ARMH3: variants seen among roughly 807,000 people sequenced by gnomAD.
The protein encoded by ARMH3 is armadillo like helical domain containing 3, also known as armadillo-like helical domain-containing protein 3.
Under a neutral mutation model 99.1 loss-of-function variants are expected in ARMH3, and 60 were observed. That is an observed-to-expected ratio of 0.61 (90% confidence interval 0.49 to 0.75). The LOEUF (loss-of-function observed/expected upper bound fraction) is 0.75, where lower values mean the gene tolerates loss of function less well. Among genes scored for constraint, ARMH3 ranks in the 30% least tolerant of loss-of-function variants. ARMH3 has a pLI of 0.00. For missense variants in ARMH3, 679 were observed against 843.1 expected (o/e 0.81, Z 2.41); for synonymous variants, 285 against 292.8 (o/e 0.97, Z 0.27).
At chr10:101,896,438 G>T (rs1304151189) in intron 23 of ARMH3, among the ~76,000 whole-genome samples, 1 of 152,198 alleles carries the variant, frequency 6.6e-6, no homozygotes, top group East Asian at 1.9e-4. Context: ...GAAGAATAGG[G>T]AGTGACTGCT....
chr10:102,010,164 C>G, intron 11 of ARMH3, 141 bp from the exon 12 acceptor site: 2 of 634,674 alleles, frequency 3.2e-6, no homozygotes, highest in Non-Finnish European at 5.5e-6. Flanking sequence ...AAGTCACACA[C>G]ACCAAAACCA....
At chr10:101,995,694 G>C (rs1301877541) in intron 15 of ARMH3, among the ~76,000 whole-genome samples, 1 of 152,112 alleles carries the variant, frequency 6.6e-6, no homozygotes, top group African/African-American at 2.4e-5. Flanking sequence ...TGAATAGTCA[G>C]GTCCATTTCC....
intron 1 of ARMH3, among the ~76,000 whole-genome samples, chr10:102,041,655 CTT>C (rs879302790): frequency 4.8e-5 from 7 of 145,126 alleles, no homozygotes; most frequent in Admixed American, 6.9e-5. Context: ...TATTTTTAGA[CTT>C]TTTTTTTTTT....
chr10:101,994,812 G>A (rs1846979855), intron 16 of ARMH3, among the ~76,000 whole-genome samples: 1 of 152,132 alleles, frequency 6.6e-6, no homozygotes, highest in African/African-American at 2.4e-5. Flanking sequence ...CGAGGTGGGT[G>A]GATCACCTGA....
At chr10:101,963,301 C>A (rs1195152872) in intron 20 of ARMH3, among the ~76,000 whole-genome samples, 2 of 152,084 alleles carry the variant, frequency 1.3e-5, no homozygotes, top group Admixed American at 6.5e-5. Flanking sequence ...TGCCACCACA[C>A]CTGCCTAATT....
intron 19 of ARMH3, among the ~76,000 whole-genome samples, chr10:101,986,049 CACACACACACAA>C (rs1769769764): frequency 6.6e-6 from 1 of 151,900 alleles, no homozygotes; most frequent in Admixed American, 6.6e-5. Context: ...ATAAAATACA[CACACACACACAA>C]ACACACACAC....
intron 11 of ARMH3, 152 bp from the exon 12 acceptor site, chr10:102,010,175 G>T: frequency 1.7e-6 from 1 of 587,570 alleles, no homozygotes. Flanking sequence ...ACCAAAACCA[G>T]CCCACTTTGA....
In ARMH3 at chr10:102,054,012, C is replaced by T. The variant is rs921104459; in HGVS notation, c.-12+2073G>A. ...TTTTGGCCATTTTCCCCAAATGTTA[C>T]AGATTCCTAAACTGTGCTCAGTGTG... is the stretch of plus-strand genomic sequence containing the variant. On this transcript the variant is annotated intron_variant, in intron 1 of 25. Coordinates refer to ENST00000370033, the MANE Select transcript of ARMH3 (RefSeq NM_024541.3). 2.0e-5 allele frequency among the ~76,000 whole-genome samples: 3 copies of T among 152,174 alleles called. No individual in the cohort carries two copies. The East Asian group carries it at 5.8e-4, about 29-fold the overall frequency.
At chr10:101,971,301 G>A (rs537305425) in intron 20 of ARMH3, among the ~76,000 whole-genome samples, 8 of 151,992 alleles carry the variant, frequency 5.3e-5, no homozygotes, top group Admixed American at 1.3e-4. Context: ...AATACTGGCC[G>A]GGCGCAGTGG....
intron 16 of ARMH3, 110 bp from the exon 17 acceptor site, chr10:101,993,713 G>A: frequency 4.4e-6 from 3 of 688,808 alleles, no homozygotes; most frequent in East Asian, 2.8e-5. Flanking sequence ...TCAAGGATCA[G>A]CTGGACAGCT....
chr10:101,991,753 T>A (rs1338360942), intron 18 of ARMH3, among the ~76,000 whole-genome samples: 1 of 152,190 alleles, frequency 6.6e-6, no homozygotes, highest in Non-Finnish European at 1.5e-5. Context: ...CTGGAATGAC[T>A]TTTTTCTTTG....
At chr10:101,933,683 C>T (rs1466247558) in intron 23 of ARMH3, among the ~76,000 whole-genome samples, 1 of 151,940 alleles carries the variant, frequency 6.6e-6, no homozygotes, top group East Asian at 1.9e-4. Flanking sequence ...AATGGGAGAT[C>T]AGCAGGGTCT....
intron 23 of ARMH3, among the ~76,000 whole-genome samples, chr10:101,899,360 G>T (rs969620595): frequency 6.6e-6 from 1 of 152,164 alleles, no homozygotes; most frequent in African/African-American, 2.4e-5. Context: ...CAGGCATACA[G>T]GTAAAATACT....
intron 19 of ARMH3, among the ~76,000 whole-genome samples, chr10:101,983,636 C>T (rs1846328231): frequency 1.3e-5 from 2 of 152,168 alleles, no homozygotes; most frequent in Non-Finnish European, 2.9e-5. Flanking sequence ...TTCTGGATAG[C>T]TAAACACATG....
intron 23 of ARMH3, among the ~76,000 whole-genome samples, chr10:101,937,533 A>G (rs12264388): frequency 0.054 from 8,137 of 151,144 alleles, 245 homozygotes; most frequent in African/African-American, 0.074. Context: ...AAAAAAAAAA[A>G]AAGAAGAAGA....
chr10:101,955,996 G>C (rs968346426), intron 22 of ARMH3, among the ~76,000 whole-genome samples: 2 of 152,184 alleles, frequency 1.3e-5, no homozygotes, highest in African/African-American at 4.8e-5. Flanking sequence ...AATCTACAGA[G>C]ATTTTTCCTT....
chr10:101,894,893 C>T (rs905451221), intron 23 of ARMH3, among the ~76,000 whole-genome samples: 1 of 146,602 alleles, frequency 6.8e-6, no homozygotes, highest in African/African-American at 2.5e-5. Flanking sequence ...AAAAAAGGCA[C>T]CAGAGAGCTC....
At chr10:102,048,995 ACTTT>A (rs1259549226) in intron 1 of ARMH3, among the ~76,000 whole-genome samples, 3 of 148,946 alleles carry the variant, frequency 2.0e-5, no homozygotes, top group African/African-American at 7.4e-5. Flanking sequence ...TATGCCTCTC[ACTTT>A]CTTTTTTTTT....
intron 23 of ARMH3, 129 bp from the exon 24 acceptor site, chr10:101,889,619 C>T (rs1589971519): frequency 1.2e-6 from 1 of 828,956 alleles, no homozygotes; most frequent in East Asian, 2.5e-5. Flanking sequence ...TGGGTAACTT[C>T]CTCTTATTGA....
Sources: gnomAD v4.1 joint callset for allele counts (sites outside exome capture counted in the v4.1 genomes callset) on GRCh38, gnomAD v4.1.1 for gene constraint, MANE v1.5 for transcripts, NCBI Gene and HGNC (gene_info 2026-07-23, HGNC 2026-07-21) for gene names.